RP1: variants seen among roughly 807,000 people sequenced by gnomAD.
RP1 encodes oxygen-regulated protein 1.
Under a neutral mutation model 14.8 loss-of-function variants are expected in RP1, and 16 were observed. The observed-to-expected ratio is 1.08, with a 90% CI of 0.73 to 1.65. RP1 has a LOEUF of 1.65. RP1 is among the 40% of genes most tolerant of loss of function. The probability of loss-of-function intolerance (pLI) is 0.00; values close to 1 mark genes in which losing one functional copy is unlikely to be tolerated. For missense variants in RP1, 2,631 were observed against 2,535.0 expected (o/e 1.04, Z -0.81); for synonymous variants, 876 against 883.6 (o/e 0.99, Z 0.15).
At chr8:54,769,186 G>A (rs989504674) in intron 22 of RP1, among the ~76,000 whole-genome samples, 6 of 152,152 alleles carry the variant, frequency 3.9e-5, no homozygotes, top group African/African-American at 7.2e-5. Context: ...GAGCCACCAC[G>A]CCTGGCCAAT....
At chr8:54,593,583 G>A (rs989103752) in intron 1 of RP1, among the ~76,000 whole-genome samples, 3 of 152,136 alleles carry the variant, frequency 2.0e-5, no homozygotes, top group African/African-American at 7.2e-5. Flanking sequence ...TGGCCATCTG[G>A]TATACACTGC....
At chr8:54,859,150 T>C (rs1173947340) in intron 27 of RP1, among the ~76,000 whole-genome samples, 2 of 148,990 alleles carry the variant, frequency 1.3e-5, no homozygotes. Context: ...CACTGTGGAG[T>C]GTTGTCAGTG....
chr8:54,821,846 G>A (rs538325269), intron 24 of RP1, among the ~76,000 whole-genome samples: 1 of 152,220 alleles, frequency 6.6e-6, no homozygotes, highest in Admixed American at 6.5e-5. Flanking sequence ...AGGGTACCTG[G>A]GAGGAAAATT....
At chr8:54,687,248 G>T (rs541016552) in intron 12 of RP1, among the ~76,000 whole-genome samples, 1 of 152,262 alleles carries the variant, frequency 6.6e-6, no homozygotes, top group Admixed American at 6.6e-5. Flanking sequence ...GCGGATGCCT[G>T]CTTTTTCTGC....
chr8:54,615,621 C>T (rs900450229), upstream of RP1, among the ~76,000 whole-genome samples: 2 of 152,126 alleles, frequency 1.3e-5, no homozygotes, highest in Admixed American at 1.3e-4. Flanking sequence ...TGCTGAGTCA[C>T]CAAATTGTGT....
At position 54,601,744 on chromosome 8, in the gene RP1, G is replaced by C. The variant is rs145342183; in HGVS notation, c.-12-19211G>C. 8.2e-3 allele frequency among the ~76,000 whole-genome samples: 1,245 copies of C among 152,114 alleles called. 6 individuals carry two copies. Among genetic ancestry groups the C allele is most frequent in the Middle Eastern group, 0.038 (11 of 292 alleles). On this transcript the variant is annotated intron_variant, in intron 1 of 22. Coordinates refer to the RP1 transcript ENST00000636932. ...ATAAATAAAATACAATAAAATATTT[G>C]AAAATAATAAGGAATAAAGTACTAA...
intron 1 of RP1, among the ~76,000 whole-genome samples, chr8:54,580,664 G>C (rs2129296425): frequency 6.7e-6 from 1 of 150,260 alleles, no homozygotes; most frequent in Admixed American, 6.7e-5. Flanking sequence ...TGTCGCCCAG[G>C]CTGGAGTGCA....
intron 1 of RP1, among the ~76,000 whole-genome samples, chr8:54,578,784 G>A (rs1350267303): frequency 6.6e-6 from 1 of 152,272 alleles, no homozygotes; most frequent in Non-Finnish European, 1.5e-5. Flanking sequence ...GCTAAGCAAG[G>A]TACTTCATTT....
intron 3 of RP1, among the ~76,000 whole-genome samples, chr8:54,636,863 A>T (rs1806356409): frequency 6.6e-6 from 1 of 152,250 alleles, no homozygotes; most frequent in African/African-American, 2.4e-5. Context: ...TGTTTTAGAC[A>T]TATATTTCAA....
At chr8:54,857,100 G>T (rs1812221847) in exon 27 of RP1, 12 of 1,215,764 alleles carry the variant, frequency 9.9e-6, no homozygotes, top group Admixed American at 4.2e-5. Context: ...TGATGGAACA[G>T]GTCCAGGTAA....
chr8:54,859,950 G>A (rs1226931915), intron 27 of RP1, among the ~76,000 whole-genome samples: 38 of 152,096 alleles, frequency 2.5e-4, no homozygotes, highest in Non-Finnish European at 2.9e-5. Flanking sequence ...TTGTGACATG[G>A]GATGGAAACA....
intron 8 of RP1, among the ~76,000 whole-genome samples, chr8:54,674,213 C>T (rs1234187132): frequency 6.6e-6 from 1 of 152,026 alleles, no homozygotes; most frequent in Non-Finnish European, 1.5e-5. Context: ...TATGTTGTGA[C>T]ATGTGATGGC....
At chr8:54,853,503 C>T (rs770651417) in intron 26 of RP1, among the ~76,000 whole-genome samples, 1 of 152,184 alleles carries the variant, frequency 6.6e-6, no homozygotes, top group African/African-American at 2.4e-5. Flanking sequence ...GGGGACAGAA[C>T]TCATGTCTTA....
intron 24 of RP1, among the ~76,000 whole-genome samples, chr8:54,818,026 G>A (rs1291745147): frequency 6.6e-6 from 1 of 152,034 alleles, no homozygotes; most frequent in East Asian, 1.9e-4. Context: ...CACAACCAGA[G>A]TTTTTCTATA....
At chr8:54,696,140 A>C (rs1379348048) in intron 12 of RP1, among the ~76,000 whole-genome samples, 2 of 152,176 alleles carry the variant, frequency 1.3e-5, no homozygotes, top group Admixed American at 6.6e-5. Flanking sequence ...AGAATTATAA[A>C]GGTAGAATTA....
At chr8:54,669,311 T>C (rs950126533) in intron 7 of RP1, among the ~76,000 whole-genome samples, 28 of 152,028 alleles carry the variant, frequency 1.8e-4, no homozygotes, top group Non-Finnish European at 3.2e-4. Context: ...GAAATGCAAA[T>C]TAAAACCACA....
chr8:54,659,934 G>T (rs2129328508), intron 6 of RP1, among the ~76,000 whole-genome samples: 1 of 152,010 alleles, frequency 6.6e-6, no homozygotes, highest in Admixed American at 6.6e-5. Context: ...TTGCTGCCTT[G>T]GTTTAGTATT....
intron 21 of RP1, chr8:54,755,864 A>C (rs1809494450): frequency 8.4e-7 from 1 of 1,190,430 alleles, no homozygotes; most frequent in Non-Finnish European, 1.1e-6. Flanking sequence ...GGCACTCTTC[A>C]AATTGTAGTT....
intron 27 of RP1, among the ~76,000 whole-genome samples, chr8:54,865,311 T>C (rs1302285340): frequency 6.6e-6 from 1 of 152,010 alleles, no homozygotes; most frequent in African/African-American, 2.4e-5. Context: ...TCTATACTTA[T>C]CAGTTTTCCT....
Sources: gnomAD v4.1 joint callset for allele counts (sites outside exome capture counted in the v4.1 genomes callset) on GRCh38, gnomAD v4.1.1 for gene constraint, MANE v1.5 for transcripts, NCBI Gene and HGNC (gene_info 2026-07-23, HGNC 2026-07-21) for gene names.